ADAMTS19: variants seen among roughly 807,000 people sequenced by gnomAD.
The protein encoded by ADAMTS19 is A disintegrin and metalloproteinase with thrombospondin motifs 19.
Under a neutral mutation model 153.3 loss-of-function variants are expected in ADAMTS19, and 93 were observed. The ratio of observed to expected loss-of-function variants is 0.61; its 90% CI spans 0.51 to 0.72. The LOEUF is 0.72. ADAMTS19 is among the 30% of genes least tolerant of loss of function. The pLI is 0.00. For missense variants in ADAMTS19, 1,482 were observed against 1,552.1 expected (o/e 0.95, Z 0.76); for synonymous variants, 600 against 556.6 (o/e 1.08, Z -1.10).
At chr5:129,721,341 C>T (rs1335942364) in intron 21 of ADAMTS19, among the ~76,000 whole-genome samples, 1 of 152,056 alleles carries the variant, frequency 6.6e-6, no homozygotes, top group Non-Finnish European at 1.5e-5. Context: ...TAGCATTTGA[C>T]CCATCAAAAA....
chr5:129,471,787 A>G (rs912191129), intron 2 of ADAMTS19, among the ~76,000 whole-genome samples: 2 of 152,124 alleles, frequency 1.3e-5, no homozygotes, highest in African/African-American at 4.8e-5. Context: ...CTCCCACTTA[A>G]AAGTGAGAAC....
At chr5:129,648,554 T>C (rs17163216) in intron 12 of ADAMTS19, among the ~76,000 whole-genome samples, 3,119 of 152,306 alleles carry the variant, frequency 0.02, 80 homozygotes, top group African/African-American at 0.065. Context: ...TGTATCATTT[T>C]CATGGCAAGT....
intron 15 of ADAMTS19, among the ~76,000 whole-genome samples, chr5:129,661,623 ATAAAT>A (rs1753816862): frequency 6.6e-6 from 1 of 152,218 alleles, no homozygotes; most frequent in Non-Finnish European, 1.5e-5. Flanking sequence ...GAGCTGGAAA[ATAAAT>A]TCAAGAAGCG....
chr5:129,682,347 C>T (rs1304926931), intron 17 of ADAMTS19, among the ~76,000 whole-genome samples: 2 of 152,134 alleles, frequency 1.3e-5, no homozygotes, highest in Admixed American at 1.3e-4. Flanking sequence ...AGCATGTGCC[C>T]CTCAACTGTA....
intron 11 of ADAMTS19, among the ~76,000 whole-genome samples, chr5:129,642,918 C>T (rs1221527514): frequency 6.6e-6 from 1 of 152,038 alleles, no homozygotes; most frequent in Non-Finnish European, 1.5e-5. Flanking sequence ...CACATGCACA[C>T]ACAGATGCTT....
intron 2 of ADAMTS19, among the ~76,000 whole-genome samples, chr5:129,488,063 C>G (rs1008243474): frequency 6.6e-6 from 1 of 151,814 alleles, no homozygotes; most frequent in African/African-American, 2.4e-5. Flanking sequence ...GATTTTATCT[C>G]TCTGGTTTTA....
chr5:129,495,938 C>T (rs1251673064), intron 2 of ADAMTS19, among the ~76,000 whole-genome samples: 3 of 151,938 alleles, frequency 2.0e-5, no homozygotes, highest in African/African-American at 7.2e-5. Flanking sequence ...CCTCTGTTCT[C>T]ACTGGTGGGA....
At chr5:129,680,748 G>A (rs1455801643) in intron 17 of ADAMTS19, among the ~76,000 whole-genome samples, 4 of 147,992 alleles carry the variant, frequency 2.7e-5, no homozygotes, top group African/African-American at 1.0e-4. Flanking sequence ...GGTGACAGAG[G>A]GAGACTCTGT....
At chr5:129,659,707 A>G (rs970803173) in intron 15 of ADAMTS19, among the ~76,000 whole-genome samples, 1 of 152,018 alleles carries the variant, frequency 6.6e-6, no homozygotes, top group African/African-American at 2.4e-5. Context: ...CAGTCTCCCA[A>G]GTAGCCGGGA....
chr5:129,690,007 C>G (rs1357160898), intron 18 of ADAMTS19, among the ~76,000 whole-genome samples: 1 of 152,110 alleles, frequency 6.6e-6, no homozygotes, highest in Non-Finnish European at 1.5e-5. Flanking sequence ...ATTTTGTCAC[C>G]ATTTTAGAAA....
At chr5:129,688,705 AGTCTTT>A (rs1230892493) in intron 18 of ADAMTS19, among the ~76,000 whole-genome samples, 2 of 152,204 alleles carry the variant, frequency 1.3e-5, no homozygotes. Flanking sequence ...TTTCCGTCAC[AGTCTTT>A]TGAGTCTAAT....
chr5:129,542,840 T>C (rs183542063), intron 6 of ADAMTS19, among the ~76,000 whole-genome samples: 1 of 152,198 alleles, frequency 6.6e-6, no homozygotes, highest in East Asian at 1.9e-4. Context: ...TTTTTAATAA[T>C]TTACCAAAAA....
intron 11 of ADAMTS19, among the ~76,000 whole-genome samples, chr5:129,644,403 C>T (rs1019910858): frequency 2.6e-5 from 4 of 152,128 alleles, no homozygotes; most frequent in African/African-American, 2.4e-5. Flanking sequence ...ACATTGCTAA[C>T]CAAGAGACAA....
chr5:129,461,531 G>A lies in ADAMTS19; in HGVS notation c.521G>A (p.Arg174Gln). ...CCGGATGGCGACGAAGTGTTGCTGC[G>A]GATCCCGGCCTTCTCTCGGGACCTG... ...AEPDGDEVLLRIPAFSRDLYL... is the reference protein window; with the variant it reads ...AEPDGDEVLLQIPAFSRDLYL... The change falls in exon 2 of 23, where the codon CGG becomes CAG. Residue 174 changes from arginine to glutamine, a missense_variant. Transcript: ENST00000274487. This position sits in a 1 kb window ranked among gnomAD's most constrained non-coding sequence, Gnocchi z 4.6. 6.5e-7 allele frequency: 1 copy of A among 1,527,324 alleles called. No individual in the cohort carries two copies. The highest frequency in any genetic ancestry group is 8.7e-7 in the Non-Finnish European group (1 of 1,144,076). 94.6% of individuals were successfully genotyped at this position (1,527,324 alleles called of 1,614,324 possible). A position where few individuals can be genotyped will look rare whatever the true frequency, so the allele number is the denominator to read the frequency against.
chr5:129,581,098 G>C (rs1290347275), intron 7 of ADAMTS19, among the ~76,000 whole-genome samples: 1 of 152,300 alleles, frequency 6.6e-6, no homozygotes, highest in Non-Finnish European at 1.5e-5. Flanking sequence ...ATTAATTACT[G>C]CCTCAATTTC....
intron 7 of ADAMTS19, among the ~76,000 whole-genome samples, chr5:129,582,673 T>C (rs6870273): frequency 0.84 from 126,777 of 151,768 alleles, 53,202 homozygotes; most frequent in Non-Finnish European, 0.88. Context: ...CCCAGGTTCA[T>C]GCCATTCTCC....
chr5:129,633,074 A>G (rs1032624032), intron 10 of ADAMTS19, among the ~76,000 whole-genome samples: 5 of 151,940 alleles, frequency 3.3e-5, no homozygotes, highest in Non-Finnish European at 7.4e-5. Context: ...ATTTTTCAAT[A>G]TTTTCCCTTT....
intron 21 of ADAMTS19, among the ~76,000 whole-genome samples, chr5:129,704,677 T>C (rs1756063788): frequency 6.6e-6 from 1 of 152,184 alleles, no homozygotes; most frequent in African/African-American, 2.4e-5. Context: ...TTCATATAGT[T>C]CTCAGAATAT....
chr5:129,547,148 G>A (rs531176728), intron 6 of ADAMTS19, among the ~76,000 whole-genome samples: 1 of 150,810 alleles, frequency 6.6e-6, no homozygotes, highest in Non-Finnish European at 1.5e-5. Context: ...ATCCTGGTGT[G>A]AGGAAAAGAG....
Sources: gnomAD v4.1 joint callset for allele counts (sites outside exome capture counted in the v4.1 genomes callset) on GRCh38, gnomAD v4.1.1 for gene constraint, Gnocchi (gnomAD v3.1) non-coding constraint, MANE v1.5 for transcripts, NCBI Gene and HGNC (gene_info 2026-07-23, HGNC 2026-07-21) for gene names.